Variants in PVT1 observed in about 807,000 individuals in gnomAD.
PVT1 encodes CXCR4/PVT1 fusion.
At chr8:127,934,597 C>T (rs2129894329) in intron 3 of PVT1, among the ~76,000 whole-genome samples, 1 of 152,332 alleles carries the variant, frequency 6.6e-6, no homozygotes. Flanking sequence ...GTACATTTCT[C>T]CCAATTTCTG....
At position 127,823,063 on chromosome 8, in the gene PVT1, T is replaced by A. The variant is rs527850623; in HGVS notation, n.372+26992T>A. ...ATTGCTATTTCCAAAGCTCAAGTAG[T>A]GTATTTTTCATTGTTGTTGTTAAAG... On this transcript the variant is annotated intron_variant and non_coding_transcript_variant, in intron 2 of 10. Transcript: ENST00000651587. Among the ~76,000 whole-genome samples, 7 of 152,340 alleles carry A rather than the reference T, an allele frequency of 4.6e-5. No homozygotes were observed. The South Asian group carries it at 1.2e-3, about 27-fold the overall frequency.
intron 4 of PVT1, among the ~76,000 whole-genome samples, chr8:128,053,496 G>C (rs1305988549): frequency 2.0e-5 from 3 of 151,220 alleles, no homozygotes; most frequent in African/African-American, 7.3e-5. Flanking sequence ...ATTATTATCA[G>C]CTTTAGCTTT....
At chr8:127,988,205 AC>A (rs1342285738) in intron 3 of PVT1, among the ~76,000 whole-genome samples, 1 of 152,226 alleles carries the variant, frequency 6.6e-6, no homozygotes, top group Non-Finnish European at 1.5e-5. Context: ...AGGATGTTTC[AC>A]CAGCTATTCC....
At chr8:127,934,601 A>G (rs1445631193) in intron 3 of PVT1, among the ~76,000 whole-genome samples, 2 of 152,136 alleles carry the variant, frequency 1.3e-5, no homozygotes, top group African/African-American at 4.8e-5. Context: ...ATTTCTCCCA[A>G]TTTCTGGGCT....
chr8:127,998,856 C>CCTCTCT lies in PVT1; in HGVS notation n.912+9580_912+9585dup, dbSNP rs1330523070. On this transcript the variant is annotated intron_variant and non_coding_transcript_variant, in intron 4 of 10. Coordinates refer to ENST00000651587, the Ensembl canonical transcript of PVT1. ...CCTTCCTTCCTTCCTTCCCTCCCTC[C>CCTCTCT]CTCTCTCTCTCTCTCTCTCTTTTTT... Among the ~76,000 whole-genome samples the CCTCTCT allele has an allele frequency of 5.5e-4, 70 of 128,334 alleles. 1 individual carries two copies. Among genetic ancestry groups the CCTCTCT allele is most frequent in the African/African-American group, 2.3e-3 (64 of 27,800 alleles). 84.2% of individuals were successfully genotyped at this position (128,334 alleles called of 152,430 possible).
chr8:127,848,628 A>G (rs1292188618), intron 2 of PVT1, among the ~76,000 whole-genome samples: 1 of 152,056 alleles, frequency 6.6e-6, no homozygotes, highest in Non-Finnish European at 1.5e-5. Flanking sequence ...GGTTGCAGTG[A>G]GCTGAGATCG....
At chr8:127,811,227 C>A (rs1193792159) in intron 2 of PVT1, among the ~76,000 whole-genome samples, 2 of 152,160 alleles carry the variant, frequency 1.3e-5, no homozygotes, top group African/African-American at 4.8e-5. Flanking sequence ...CCCAGTGTTG[C>A]CAGAGCTTCC....
intron 4 of PVT1, among the ~76,000 whole-genome samples, chr8:128,009,195 C>T (rs1019414799): frequency 6.6e-6 from 1 of 152,050 alleles, no homozygotes; most frequent in Non-Finnish European, 1.5e-5. Context: ...AAAATATTGT[C>T]CTTCAACAAA....
At chr8:127,810,429 G>C (rs1814580904) in intron 2 of PVT1, among the ~76,000 whole-genome samples, 1 of 152,320 alleles carries the variant, frequency 6.6e-6, no homozygotes. Context: ...TTGAGTGCCT[G>C]GTGCGTCAGA....
At chr8:127,911,393 G>A (rs562921564) in intron 3 of PVT1, among the ~76,000 whole-genome samples, 14 of 152,346 alleles carry the variant, frequency 9.2e-5, no homozygotes, top group African/African-American at 2.6e-4. Flanking sequence ...ACAGCAGGTC[G>A]GAGTGGCCGC....
intron 3 of PVT1, among the ~76,000 whole-genome samples, chr8:127,966,426 G>T (rs1174891505): frequency 6.6e-6 from 1 of 152,202 alleles, no homozygotes; most frequent in African/African-American, 2.4e-5. Flanking sequence ...TGATTTCTGA[G>T]CTATGCCCAT....
At position 127,914,824 on chromosome 8, in the gene PVT1, T is replaced by C. The variant is rs991266363; in HGVS notation, n.782+23826T>C. 4.6e-5 allele frequency among the ~76,000 whole-genome samples: 7 copies of C among 151,382 alleles called. No homozygotes were observed. In the East Asian group the frequency reaches 1.2e-3, roughly 25 times the overall value. On this transcript the variant is annotated intron_variant and non_coding_transcript_variant, in intron 3 of 10. Coordinates refer to ENST00000651587, the Ensembl canonical transcript of PVT1. ...TACAAAGTTGTTGTTGGTTTTTTTT[T>C]TTTTTTTTTTGAGACCGAGTTTCCC...
At chr8:127,800,309 C>A (rs1475698807) in intron 2 of PVT1, among the ~76,000 whole-genome samples, 1 of 152,062 alleles carries the variant, frequency 6.6e-6, no homozygotes, top group Admixed American at 6.6e-5. Context: ...TAGCTGCTGG[C>A]GATCCAGCAG....
At chr8:127,912,815 G>T (rs1230927996) in intron 3 of PVT1, among the ~76,000 whole-genome samples, 2 of 151,912 alleles carry the variant, frequency 1.3e-5, no homozygotes, top group Non-Finnish European at 1.5e-5. Context: ...TTCTGCCTCA[G>T]CCTTCCAAGT....
chr8:128,089,590 T>C (rs1814323102), intron 5 of PVT1, among the ~76,000 whole-genome samples: 1 of 152,218 alleles, frequency 6.6e-6, no homozygotes, highest in Non-Finnish European at 1.5e-5. Context: ...GGATTCAACA[T>C]TGCCCCTGCC....
At chr8:127,992,903 C>T (rs575575659) in intron 4 of PVT1, among the ~76,000 whole-genome samples, 28 of 152,336 alleles carry the variant, frequency 1.8e-4, no homozygotes, top group African/African-American at 6.5e-4. Flanking sequence ...GCTTCCCTGT[C>T]AAGGGATACA....
chr8:127,885,276 G>A (rs1417237749), intron 2 of PVT1, among the ~76,000 whole-genome samples: 2 of 152,162 alleles, frequency 1.3e-5, no homozygotes, highest in Non-Finnish European at 1.5e-5. Context: ...GATCCGTCAA[G>A]CTCTTAATAT....
chr8:128,061,589 C>G (rs1813831131), intron 4 of PVT1, among the ~76,000 whole-genome samples: 1 of 152,148 alleles, frequency 6.6e-6, no homozygotes, highest in Non-Finnish European at 1.5e-5. Flanking sequence ...AAAGTCTTTT[C>G]CAAAGTGTCT....
At chr8:128,090,294 C>G (rs1416695161) in intron 5 of PVT1, among the ~76,000 whole-genome samples, 1 of 152,210 alleles carries the variant, frequency 6.6e-6, no homozygotes, top group Non-Finnish European at 1.5e-5. Context: ...CTTTGGTGAG[C>G]TTATGGTTTC....
Sources: allele counts gnomAD v4.1 joint callset (sites outside exome capture counted in the v4.1 genomes callset), GRCh38; gene constraint gnomAD v4.1.1; transcripts MANE v1.5; gene names NCBI Gene and HGNC (gene_info 2026-07-23, HGNC 2026-07-21).